MAFK: variants seen among roughly 807,000 people sequenced by gnomAD.
MAFK encodes MAF bZIP transcription factor K.
MAFK carries 1 observed loss-of-function variant against 9.2 expected under a neutral mutation model. That is an observed-to-expected ratio of 0.11 (90% CI 0.04 to 0.52). The LOEUF is 0.52. Among genes scored for constraint, MAFK ranks in the 20% least tolerant of loss-of-function variants. The probability of loss-of-function intolerance (pLI) is 0.94; values close to 1 mark genes in which losing one functional copy is unlikely to be tolerated. For missense variants in MAFK, 207 were observed against 236.0 expected (o/e 0.88, Z 0.81); for synonymous variants, 110 against 107.4 (o/e 1.02, Z -0.15).
rs1440530169 is a variant in MAFK at position 1,542,103 on chromosome 7, GA to G, written c.*1729del. 2 of 152,284 alleles carry G rather than the reference GA, an allele frequency of 1.3e-5. No individual in the cohort carries two copies. Among genetic ancestry groups the G allele is most frequent in the East Asian group, 3.8e-4 (2 of 5,196 alleles). 9.4% of individuals were successfully genotyped at this position (152,284 alleles called of 1,614,324 possible). On this transcript the variant is annotated 3_prime_UTR_variant, in exon 3 of 3. Coordinates refer to ENST00000343242, the MANE Select transcript of MAFK (RefSeq NM_002360.4). ...GAGTGGGAAGCTGCAGGCCCGCCAG[GA>G]CCACTGGGTCCCTACAGAGCAAAGG...
At position 1,534,822 on chromosome 7, in the gene MAFK, C is replaced by A. The variant is rs748202944; in HGVS notation, c.-45+3924C>A. 1 of 355,246 alleles carries A rather than the reference C, an allele frequency of 2.8e-6. No homozygotes were observed. Among genetic ancestry groups the A allele is most frequent in the Admixed American group, 3.5e-5 (1 of 28,606 alleles). The allele number at this position is 355,246 out of a possible 1,614,324, so 22.0% of individuals were successfully genotyped here. ...ATCAGAGCCCCAAAGCTGAAATCCCCGTTTCTCTATGGGCATCCACAGCCG... is the reference window on the plus strand; with the variant it reads ...ATCAGAGCCCCAAAGCTGAAATCCCAGTTTCTCTATGGGCATCCACAGCCG... On this transcript the variant is annotated intron_variant, in intron 1 of 2. Transcript: ENST00000343242. The surrounding 1 kb of genome is among the most constrained non-coding windows in gnomAD (Gnocchi z 4.3).
chr7:1,538,413 T>C (rs897358267), intron 1 of MAFK: 2 of 985,378 alleles, frequency 2.0e-6, no homozygotes, highest in Non-Finnish European at 2.4e-6. Flanking sequence ...CGGGGGCAGC[T>C]TAGGTGGAGG....
chr7:1,537,731 G>T, intron 1 of MAFK: 12 of 984,066 alleles, frequency 1.2e-5, no homozygotes, highest in Non-Finnish European at 1.2e-5. Context: ...GGGTTTGTGG[G>T]TTGCGGGGGT....
intron 1 of MAFK, chr7:1,538,754 G>A: frequency 4.6e-6 from 1 of 216,090 alleles, no homozygotes; most frequent in South Asian, 5.8e-5. Context: ...CTGACCTCAG[G>A]GAGAGTCAGA....
rs748665144 is a variant in MAFK, at chr7:1,539,278, G to GC, written c.36+55dup. 12 of 1,498,256 alleles carry GC rather than the reference G, an allele frequency of 8.0e-6. No individual in the cohort carries two copies. In the South Asian group the frequency reaches 1.1e-4, roughly 13 times the overall value. The allele number at this position is 1,498,256 out of a possible 1,614,324, so 92.8% of individuals were successfully genotyped here. A position where few individuals can be genotyped will look rare whatever the true frequency, so the allele number is the denominator to read the frequency against. ...CGTCTCAAGCACAGGCGTGGGAAAGGCCCCCGGCCCGACAGCCCCTGCTAT... is the reference window on the plus strand; with the variant it reads ...CGTCTCAAGCACAGGCGTGGGAAAGGCCCCCCGGCCCGACAGCCCCTGCTAT... On this transcript the variant is annotated intron_variant, in intron 2 of 2. Coordinates refer to ENST00000343242, the MANE Select transcript of MAFK (RefSeq NM_002360.4).
At chr7:1,533,850 G>A (rs901716838) in intron 1 of MAFK, among the ~76,000 whole-genome samples, 5 of 152,106 alleles carry the variant, frequency 3.3e-5, no homozygotes, top group Admixed American at 6.5e-5. Context: ...GGCTGGGAGC[G>A]GATTGAAGCC....
intron 1 of MAFK, among the ~76,000 whole-genome samples, chr7:1,535,738 A>T (rs1172167740): frequency 1.3e-5 from 2 of 152,178 alleles, no homozygotes; most frequent in Non-Finnish European, 2.9e-5. Flanking sequence ...ACAGTTCTGG[A>T]CGACTGACCC....
chr7:1,537,474 C>G (rs910205800), intron 1 of MAFK: 1 of 985,594 alleles, frequency 1.0e-6, no homozygotes, highest in Non-Finnish European at 1.2e-6. Context: ...CATGGTGCTC[C>G]CAGCCGCCGG....
In MAFK at chr7:1,540,879, G is replaced by A; in HGVS notation, c.*504G>A. 1 of 159,150 alleles carries A rather than the reference G, an allele frequency of 6.3e-6. No homozygotes were observed. Among genetic ancestry groups the A allele is most frequent in the Non-Finnish European group, 1.4e-5 (1 of 72,554 alleles). The allele number at this position is 159,150 out of a possible 1,614,324, so 9.9% of individuals were successfully genotyped here. On this transcript the variant is annotated 3_prime_UTR_variant, in exon 3 of 3. Coordinates refer to ENST00000343242, the MANE Select transcript of MAFK (RefSeq NM_002360.4). ...CCGACTCCGCAGTCCCCGGGGAGGA[G>A]CATGGATGGTGTGTCGGCAGCTCCG...
At position 1,534,203 on chromosome 7, in the gene MAFK, C is replaced by G. The variant is rs1783971060; in HGVS notation, c.-45+3305C>G. 2 of 454,048 alleles carry G rather than the reference C, an allele frequency of 4.4e-6. No individual in the cohort carries two copies. Among genetic ancestry groups the G allele is most frequent in the Non-Finnish European group, 8.9e-6 (2 of 225,352 alleles). The allele number at this position is 454,048 out of a possible 1,614,324, so 28.1% of individuals were successfully genotyped here. On this transcript the variant is annotated intron_variant, in intron 1 of 2. Coordinates refer to ENST00000343242, the MANE Select transcript of MAFK (RefSeq NM_002360.4). The surrounding 1 kb of genome is among the most constrained non-coding windows in gnomAD (Gnocchi z 4.3). The stretch of plus-strand genomic sequence containing the variant: ...CTTAGTGGGGCTGTGTCCGGGACAG[C>G]CGGACAGTGGGGGCCCTCGCAGTGT...
intron 1 of MAFK, chr7:1,537,971 G>T (rs1053430717): frequency 1.9e-5 from 3 of 155,474 alleles, no homozygotes; most frequent in Non-Finnish European, 4.2e-5. Flanking sequence ...ATGGGAGTGG[G>T]TGCTGTGAAC....
chr7:1,540,852 G>GAT lies in MAFK; in HGVS notation c.*478_*479insTA. 6.0e-6 allele frequency: 1 copy of GAT among 166,638 alleles called. No homozygotes were observed. Among genetic ancestry groups the GAT allele is most frequent in the Admixed American group, 6.0e-5 (1 of 16,692 alleles). 10.3% of individuals were successfully genotyped at this position (166,638 alleles called of 1,614,324 possible). On this transcript the variant is annotated 3_prime_UTR_variant, in exon 3 of 3. Transcript: ENST00000343242. ...CGGTGCGGGAGCCCCTCACTGCCCT[G>GAT]ACCGACTCCGCAGTCCCCGGGGAGG...
Position 1,534,868 on chromosome 7 carries a change from C to G in MAFK, c.-45+3970C>G. ...AGCCGGGACCGTTCAGAGGGGTCAT[C>G]CAGCCGTCAGCTGCTCAACTCACTT... On this transcript the variant is annotated intron_variant, in intron 1 of 2. Transcript: ENST00000343242. This position sits in a 1 kb window ranked among gnomAD's most constrained non-coding sequence, Gnocchi z 4.3. 3.2e-6 allele frequency: 1 copy of G among 311,290 alleles called. No homozygotes were observed. The highest frequency in any genetic ancestry group is 6.5e-6 in the Non-Finnish European group (1 of 152,818). 19.3% of individuals were successfully genotyped at this position (311,290 alleles called of 1,614,324 possible). A position where few individuals can be genotyped will look rare whatever the true frequency, so the allele number is the denominator to read the frequency against.
At chr7:1,539,266 G>A in intron 2 of MAFK, 38 bp downstream of exon 2, 3 of 1,571,122 alleles carry the variant, frequency 1.9e-6, no homozygotes, top group Non-Finnish European at 2.6e-6. Context: ...CTCAAGCACA[G>A]GCGTGGGAAA....
intron 1 of MAFK, among the ~76,000 whole-genome samples, chr7:1,531,250 A>C (rs1459532550): frequency 1.4e-5 from 2 of 146,318 alleles, no homozygotes; most frequent in Non-Finnish European, 3.0e-5. Flanking sequence ...CCGCGCCTTC[A>C]CACCTGCGGG....
Position 1,534,363 on chromosome 7 carries a change from C to T in MAFK, c.-45+3465C>T, listed in dbSNP as rs141408645. The T allele has an allele frequency of 4.5e-4, 201 of 450,804 alleles. 1 individual carries two copies. Among genetic ancestry groups the T allele is most frequent in the African/African-American group, 3.6e-3 (179 of 50,074 alleles). The allele number at this position is 450,804 out of a possible 1,614,324, so 27.9% of individuals were successfully genotyped here. A position where few individuals can be genotyped will look rare whatever the true frequency, so the allele number is the denominator to read the frequency against. On this transcript the variant is annotated intron_variant, in intron 1 of 2. Coordinates refer to ENST00000343242, the MANE Select transcript of MAFK (RefSeq NM_002360.4). The surrounding 1 kb of genome is among the most constrained non-coding windows in gnomAD (Gnocchi z 4.3). ...CAGCGGCCCCACCTACCCTTGCGGC[C>T]CAGTGTGGAGGGCACCCGGCTTGGG...
chr7:1,531,629 C>T (rs565829311), intron 1 of MAFK, among the ~76,000 whole-genome samples: 1 of 152,194 alleles, frequency 6.6e-6, no homozygotes, highest in African/African-American at 2.4e-5. Flanking sequence ...GCTCCCACTG[C>T]GTGAGTTCTT....
In MAFK at chr7:1,532,217, G is replaced by T. The variant is rs1433326145; in HGVS notation, c.-45+1319G>T. 2.0e-5 allele frequency among the ~76,000 whole-genome samples: 3 copies of T among 152,208 alleles called. No homozygotes were observed. Among genetic ancestry groups the T allele is most frequent in the African/African-American group, 7.2e-5 (3 of 41,450 alleles). On this transcript the variant is annotated intron_variant, in intron 1 of 2. Transcript: ENST00000343242. This position sits in a 1 kb window ranked among gnomAD's most constrained non-coding sequence, Gnocchi z 4.5. Reference sequence around the variant, plus strand: ...AAGGGGTTCTCCAACACAGAGTGGGGTGCCCTATGCAGCTTCTCCAAACCC... The same window carrying T: ...AAGGGGTTCTCCAACACAGAGTGGGTTGCCCTATGCAGCTTCTCCAAACCC...
intron 1 of MAFK, chr7:1,538,814 G>A (rs1054586442): frequency 5.9e-5 from 15 of 255,070 alleles, no homozygotes; most frequent in South Asian, 2.2e-4. Flanking sequence ...CAGTGCCGGC[G>A]GCTGCAGCCC....
Sources: allele counts gnomAD v4.1 joint callset (sites outside exome capture counted in the v4.1 genomes callset), GRCh38; gene constraint gnomAD v4.1.1; non-coding constraint Gnocchi (gnomAD v3.1); transcripts MANE v1.5; gene names NCBI Gene and HGNC (gene_info 2026-07-23, HGNC 2026-07-21).